The following PARD3 variants were observed in gnomAD, a reference collection of about 807,000 sequenced individuals.
PARD3 encodes the protein par-3 family cell polarity regulator.
PARD3 carries 75 observed loss-of-function variants against 155.4 expected under a neutral mutation model. The ratio of observed to expected loss-of-function variants is 0.48; its 90% CI spans 0.40 to 0.58. The LOEUF is 0.58. PARD3 is among the 20% of genes least tolerant of loss of function. The pLI, the probability that PARD3 is intolerant of heterozygous loss-of-function variation, is 0.00. For missense variants in PARD3, 1,642 were observed against 1,721.7 expected (o/e 0.95, Z 0.82); for synonymous variants, 576 against 610.5 (o/e 0.94, Z 0.83).
chr10:34,145,187 GTGTA>G (rs1436242662), intron 22 of PARD3, among the ~76,000 whole-genome samples: 32 of 84,590 alleles, frequency 3.8e-4, no homozygotes, highest in South Asian at 1.3e-3. Context: ...GTGTGTGTGT[GTGTA>G]TATATATATA....
At chr10:34,674,229 C>T (rs1230733992) in intron 2 of PARD3, among the ~76,000 whole-genome samples, 2 of 152,148 alleles carry the variant, frequency 1.3e-5, no homozygotes, top group African/African-American at 4.8e-5. Flanking sequence ...GACATCCCCA[C>T]CAGCTCGACA....
At chr10:34,423,275 C>T (rs1374822971) in intron 5 of PARD3, among the ~76,000 whole-genome samples, 2 of 152,008 alleles carry the variant, frequency 1.3e-5, no homozygotes, top group Admixed American at 1.3e-4. Flanking sequence ...AAACACTGAA[C>T]TCATCAAAGT....
At chr10:34,811,850 G>C (rs1844220603) in intron 1 of PARD3, among the ~76,000 whole-genome samples, 1 of 152,096 alleles carries the variant, frequency 6.6e-6, no homozygotes, top group Non-Finnish European at 1.5e-5. Context: ...ATGCAGACAC[G>C]GTCCATCCTC....
intron 1 of PARD3, among the ~76,000 whole-genome samples, chr10:34,783,133 T>C (rs557436402): frequency 8.7e-4 from 132 of 152,268 alleles, no homozygotes; most frequent in African/African-American, 2.8e-3. Flanking sequence ...CAAGGGACAA[T>C]AGGTAAAAAG....
At chr10:34,459,537 A>G (rs929979738) in intron 4 of PARD3, among the ~76,000 whole-genome samples, 4 of 152,212 alleles carry the variant, frequency 2.6e-5, no homozygotes, top group Admixed American at 1.3e-4. Context: ...ATAAGTAACA[A>G]TAGCATTTTG....
intron 2 of PARD3, among the ~76,000 whole-genome samples, chr10:34,536,247 C>T (rs2083220183): frequency 6.6e-6 from 1 of 152,170 alleles, no homozygotes; most frequent in Admixed American, 6.5e-5. Flanking sequence ...CTCACTCCCT[C>T]AAATATGCAT....
chr10:34,227,883 T>TATATATATATATATATAC (rs1491222875), intron 22 of PARD3, among the ~76,000 whole-genome samples: 43 of 130,424 alleles, frequency 3.3e-4, no homozygotes, highest in African/African-American at 1.2e-3. Flanking sequence ...TATATATATA[T>TATATATATATATATATAC]ACTGGGAATA....
At chr10:34,441,622 ATG>A (rs1366868451) in intron 5 of PARD3, among the ~76,000 whole-genome samples, 4 of 152,126 alleles carry the variant, frequency 2.6e-5, no homozygotes, top group African/African-American at 9.7e-5. Flanking sequence ...TCCCCAGAAA[ATG>A]TGTGTGTCCT....
chr10:34,507,571 A>T (rs768125217), intron 3 of PARD3, among the ~76,000 whole-genome samples: 4 of 151,882 alleles, frequency 2.6e-5, no homozygotes, highest in Non-Finnish European at 5.9e-5. Context: ...ACAAAAAAGG[A>T]GATACTTTGT....
At chr10:34,441,786 T>G (rs1374458970) in intron 5 of PARD3, among the ~76,000 whole-genome samples, 2 of 152,300 alleles carry the variant, frequency 1.3e-5, no homozygotes, top group Non-Finnish European at 2.9e-5. Context: ...TGATCATTGT[T>G]TTTTTAAAAA....
chr10:34,235,307 C>T (rs529571455), intron 22 of PARD3, among the ~76,000 whole-genome samples: 2 of 152,264 alleles, frequency 1.3e-5, no homozygotes, highest in African/African-American at 4.8e-5. Flanking sequence ...GCTGAAGCAT[C>T]GGAGAGATTT....
intron 5 of PARD3, among the ~76,000 whole-genome samples, chr10:34,410,421 C>T (rs1157433878): frequency 6.6e-6 from 1 of 151,968 alleles, no homozygotes; most frequent in Non-Finnish European, 1.5e-5. Flanking sequence ...AATATTCTAT[C>T]GGGTAAACAT....
chr10:34,259,068 TA>T (rs1272854477), intron 22 of PARD3, among the ~76,000 whole-genome samples: 3 of 149,720 alleles, frequency 2.0e-5, no homozygotes, highest in East Asian at 2.0e-4. Flanking sequence ...ATTCTGTCTC[TA>T]AAAAAAAAGG....
At chr10:34,649,261 C>G (rs942435670) in intron 2 of PARD3, among the ~76,000 whole-genome samples, 2 of 152,170 alleles carry the variant, frequency 1.3e-5, no homozygotes, top group African/African-American at 4.8e-5. Flanking sequence ...CTGGGAAACA[C>G]AGCAAGGCCT....
At chr10:34,565,725 T>C (rs1290862257) in intron 2 of PARD3, among the ~76,000 whole-genome samples, 2 of 152,158 alleles carry the variant, frequency 1.3e-5, no homozygotes, top group Admixed American at 6.5e-5. Context: ...ACTTTTCAGA[T>C]GTGGAAAGAC....
rs531636500 is a variant in PARD3 at position 34,334,422 on chromosome 10, T to C, written c.2605+1777A>G. On this transcript the variant is annotated intron_variant, in intron 18 of 24. Coordinates refer to ENST00000374788, the MANE Select transcript of PARD3 (RefSeq NM_001184785.2). The stretch of plus-strand genomic sequence containing the variant: ...GGGAAATGTAATTCAATTTTCATTA[T>C]GAAAGGCTTATGGCTAGGCTAGACA... 3.3e-5 allele frequency among the ~76,000 whole-genome samples: 5 copies of C among 151,540 alleles called. No homozygotes were observed. In the East Asian group the frequency reaches 7.8e-4, roughly 24 times the overall value.
intron 1 of PARD3, among the ~76,000 whole-genome samples, chr10:34,711,083 G>A (rs929789993): frequency 3.9e-5 from 6 of 152,084 alleles, no homozygotes; most frequent in Non-Finnish European, 8.8e-5. Context: ...GACTGAGGCA[G>A]GAGGATCACT....
intron 2 of PARD3, among the ~76,000 whole-genome samples, chr10:34,688,800 T>C (rs1312395645): frequency 1.3e-5 from 2 of 152,178 alleles, no homozygotes; most frequent in East Asian, 1.9e-4. Context: ...AATTTAGTAC[T>C]TGACTTTAAT....
chr10:34,615,591 A>T (rs747360204), intron 2 of PARD3, among the ~76,000 whole-genome samples: 1 of 152,242 alleles, frequency 6.6e-6, no homozygotes, highest in African/African-American at 2.4e-5. Flanking sequence ...AAAAGCAAAA[A>T]TAGACAAATA....
Sources: allele counts gnomAD v4.1 joint callset (sites outside exome capture counted in the v4.1 genomes callset), GRCh38; gene constraint gnomAD v4.1.1; transcripts MANE v1.5; gene names NCBI Gene and HGNC (gene_info 2026-07-23, HGNC 2026-07-21).